NR1H4: variants seen among roughly 807,000 people sequenced by gnomAD.
The protein encoded by NR1H4 is bile acid receptor.
A neutral mutation model predicts 58.5 loss-of-function variants in NR1H4; 23 were observed. The observed-to-expected ratio is 0.39, with a 90% confidence interval of 0.28 to 0.56. NR1H4 has a LOEUF of 0.56. NR1H4 is among the 20% of genes least tolerant of loss of function. The pLI, the probability that NR1H4 is intolerant of heterozygous loss-of-function variation, is 0.58. For synonymous variants in NR1H4, 214 were observed against 198.0 expected (o/e 1.08, Z -0.68); for missense variants, 487 against 576.9 (o/e 0.84, Z 1.60).
At chr12:100,517,101 T>C (rs930236593) in intron 4 of NR1H4, among the ~76,000 whole-genome samples, 1 of 152,228 alleles carries the variant, frequency 6.6e-6, no homozygotes, top group Non-Finnish European at 1.5e-5. Flanking sequence ...ACTCTAGTCA[T>C]GCTGCTATGC....
Position 100,536,983 on chromosome 12 carries a change from C to A in NR1H4, c.867C>A (p.Leu289=). The A allele has an allele frequency of 6.2e-7, 1 of 1,602,022 alleles. No homozygotes were observed. Among genetic ancestry groups the A allele is most frequent in the Non-Finnish European group, 8.5e-7 (1 of 1,175,470 alleles). Residue 289 remains leucine (L), a synonymous_variant, in exon 8 of 11, where the codon CTC becomes CTA. Transcript: ENST00000392986. ...AATTCAGTGCAGAAGAAAATTTTCT[C>A]ATTTTGACGGAAATGGCAACCAATC... ...KEEFSAEENF[L]ILTEMATNHV...
Position 100,480,226 on chromosome 12 carries a change from G to A in NR1H4, c.-190+6167G>A, listed in dbSNP as rs112308522. On this transcript the variant is annotated intron_variant, in intron 1 of 10. Transcript: ENST00000392986. ...AGCAATCCTCACACTACTACCATTG[G>A]GTTTTTCTTGCCTGACTTTTCCACT... Among the ~76,000 whole-genome samples the A allele has an allele frequency of 7.9e-5, 12 of 152,130 alleles. 1 individual carries two copies. Among genetic ancestry groups the A allele is most frequent in the African/African-American group, 2.9e-4 (12 of 41,518 alleles).
At chr12:100,529,692 T>A (rs557076609) in intron 4 of NR1H4, among the ~76,000 whole-genome samples, 1 of 152,202 alleles carries the variant, frequency 6.6e-6, no homozygotes, top group Non-Finnish European at 1.5e-5. Context: ...TTACTTATTC[T>A]TCAAAGCCCA....
At chr12:100,545,657 A>AC (rs1565777371) in intron 9 of NR1H4, among the ~76,000 whole-genome samples, 4 of 146,882 alleles carry the variant, frequency 2.7e-5, no homozygotes, top group African/African-American at 1.0e-4. Context: ...AAAAAAAAAA[A>AC]AAAAAAAAAA....
At chr12:100,490,415 C>T (rs1953581748) in intron 1 of NR1H4, among the ~76,000 whole-genome samples, 1 of 152,044 alleles carries the variant, frequency 6.6e-6, no homozygotes, top group Non-Finnish European at 1.5e-5. Context: ...GCTGTAATAT[C>T]CTATTTTTAA....
At position 100,527,785 on chromosome 12, in the gene NR1H4, T is replaced by C. The variant is rs1593097798; in HGVS notation, c.446-4673T>C. Among the ~76,000 whole-genome samples, 5 of 152,316 alleles carry C rather than the reference T, an allele frequency of 3.3e-5. No homozygotes were observed. The East Asian group carries it at 9.6e-4, about 29-fold the overall frequency. ...CCTTGCGATCGTTTGCTGAGAATGATGGTTTCCAGCTTCATCCATGTCCCT... is the reference window on the plus strand; with the variant it reads ...CCTTGCGATCGTTTGCTGAGAATGACGGTTTCCAGCTTCATCCATGTCCCT... On this transcript the variant is annotated intron_variant, in intron 4 of 10. Transcript: ENST00000392986.
intron 4 of NR1H4, among the ~76,000 whole-genome samples, chr12:100,523,317 A>G (rs1479178844): frequency 6.6e-6 from 1 of 152,154 alleles, no homozygotes; most frequent in Non-Finnish European, 1.5e-5. Flanking sequence ...GATACTGAAC[A>G]TGTTTTCATG....
intron 1 of NR1H4, among the ~76,000 whole-genome samples, chr12:100,478,000 C>T (rs1953305522): frequency 6.6e-6 from 1 of 152,106 alleles, no homozygotes; most frequent in Non-Finnish European, 1.5e-5. Context: ...TATGATATTA[C>T]CAATGGTGGG....
chr12:100,485,817 A>G (rs1953479894), intron 1 of NR1H4, among the ~76,000 whole-genome samples: 1 of 152,188 alleles, frequency 6.6e-6, no homozygotes, highest in Admixed American at 6.5e-5. Flanking sequence ...TACAGGTGTG[A>G]GCCACTATGC....
At chr12:100,516,811 C>T (rs1954278877) in intron 4 of NR1H4, among the ~76,000 whole-genome samples, 1 of 152,110 alleles carries the variant, frequency 6.6e-6, no homozygotes, top group South Asian at 2.1e-4. Context: ...ATAGAGATGC[C>T]AGTGCTAATA....
intron 8 of NR1H4, 34 bp from the exon 9 acceptor site, chr12:100,540,638 C>T (rs1451126628): frequency 4.4e-6 from 7 of 1,605,494 alleles, no homozygotes; most frequent in Non-Finnish European, 6.0e-6. Context: ...TATTGTTACT[C>T]CTTGATACCA....
At chr12:100,521,540 T>A (rs1019510977) in intron 4 of NR1H4, among the ~76,000 whole-genome samples, 1 of 152,342 alleles carries the variant, frequency 6.6e-6, no homozygotes, top group Non-Finnish European at 1.5e-5. Flanking sequence ...TTTGTTTCAA[T>A]GCCAAGAGAG....
At chr12:100,539,996 T>A (rs1467657642) in intron 8 of NR1H4, among the ~76,000 whole-genome samples, 2 of 152,092 alleles carry the variant, frequency 1.3e-5, no homozygotes, top group African/African-American at 2.4e-5. Context: ...AGGTGGTCAG[T>A]GTGGCTGGAA....
intron 3 of NR1H4, among the ~76,000 whole-genome samples, chr12:100,493,823 C>T (rs896882278): frequency 6.6e-6 from 1 of 152,078 alleles, no homozygotes; most frequent in African/African-American, 2.4e-5. Flanking sequence ...TTTGCAGTTC[C>T]TCCGGTGCTG....
At chr12:100,514,222 C>T (rs117563250) in intron 4 of NR1H4, among the ~76,000 whole-genome samples, 1 of 152,192 alleles carries the variant, frequency 6.6e-6, no homozygotes, top group Non-Finnish European at 1.5e-5. Flanking sequence ...GGTTTGAGTA[C>T]AGGAGATTTG....
At chr12:100,511,267 T>G (rs1593072527) in intron 4 of NR1H4, 124 bp downstream of exon 4, 2 of 1,054,546 alleles carry the variant, frequency 1.9e-6, no homozygotes, top group East Asian at 4.8e-5. Context: ...TGCGCCTACC[T>G]CCTCCTACAT....
intron 3 of NR1H4, among the ~76,000 whole-genome samples, chr12:100,501,694 T>G (rs980813897): frequency 2.0e-5 from 3 of 152,206 alleles, no homozygotes; most frequent in Non-Finnish European, 4.4e-5. Context: ...TAGCAATGAT[T>G]ATTCCACTTG....
At chr12:100,483,520 G>A (rs1953425336) in intron 1 of NR1H4, among the ~76,000 whole-genome samples, 1 of 152,058 alleles carries the variant, frequency 6.6e-6, no homozygotes, top group Admixed American at 6.6e-5. Flanking sequence ...ATCCTTGTTG[G>A]CCATATGTTG....
chr12:100,538,927 A>G (rs1011389558), intron 8 of NR1H4, among the ~76,000 whole-genome samples: 3 of 152,224 alleles, frequency 2.0e-5, no homozygotes, highest in Admixed American at 6.5e-5. Context: ...GGCAAGCTCA[A>G]TAAAAAACTG....
Sources: allele counts gnomAD v4.1 joint callset (sites outside exome capture counted in the v4.1 genomes callset), GRCh38; gene constraint gnomAD v4.1.1; transcripts MANE v1.5; gene names NCBI Gene and HGNC (gene_info 2026-07-23, HGNC 2026-07-21).